FLT3: variants seen among roughly 807,000 people sequenced by gnomAD.
FLT3 encodes the protein fms related receptor tyrosine kinase 3.
Under a neutral mutation model 126.6 loss-of-function variants are expected in FLT3, and 46 were observed. That is an observed-to-expected ratio of 0.36 (90% CI 0.29 to 0.46). The LOEUF (loss-of-function observed/expected upper bound fraction) is 0.46. Among genes scored for constraint, FLT3 ranks in the 20% least tolerant of loss-of-function variants. FLT3 has a pLI of 1.00. For missense variants in FLT3, 1,069 were observed against 1,190.3 expected (o/e 0.90, Z 1.50); for synonymous variants, 404 against 434.4 (o/e 0.93, Z 0.87).
chr13:28,077,027 G>GGA (rs1566100906), intron 1 of FLT3, among the ~76,000 whole-genome samples: 50 of 1,838 alleles, frequency 0.027, no homozygotes, highest in African/African-American at 0.039. Context: ...GGAAGGAAAA[G>GGA]AAAGAGAGAG....
intron 1 of FLT3, among the ~76,000 whole-genome samples, chr13:28,085,103 G>T (rs1878576299): frequency 6.6e-6 from 1 of 152,106 alleles, no homozygotes; most frequent in African/African-American, 2.4e-5. Flanking sequence ...CCTCACTTTG[G>T]GAGGCCGACA....
At chr13:28,025,877 T>TG (rs1256093731) in intron 17 of FLT3, among the ~76,000 whole-genome samples, 2 of 152,182 alleles carry the variant, frequency 1.3e-5, no homozygotes, top group African/African-American at 4.8e-5. Flanking sequence ...TTTAAGACAC[T>TG]GGGTCTGTGT....
intron 12 of FLT3, 42 bp from the exon 13 acceptor site, chr13:28,034,449 T>G: frequency 7.4e-7 from 1 of 1,359,062 alleles, no homozygotes. Context: ...ACAGAATTCC[T>G]GTGTGACATT....
chr13:28,079,412 C>T (rs1878176359), intron 1 of FLT3, among the ~76,000 whole-genome samples: 1 of 152,144 alleles, frequency 6.6e-6, no homozygotes, highest in South Asian at 2.1e-4. Context: ...TCTTCTGAGC[C>T]CTCCAAACTG....
intron 23 of FLT3, among the ~76,000 whole-genome samples, chr13:28,012,503 T>C (rs1871482130): frequency 6.6e-6 from 1 of 152,168 alleles, no homozygotes; most frequent in African/African-American, 2.4e-5. Context: ...CTTTGGACTT[T>C]TATTTATATG....
chr13:28,090,987 T>TA (rs1264921206), intron 1 of FLT3, among the ~76,000 whole-genome samples: 1 of 151,768 alleles, frequency 6.6e-6, no homozygotes, highest in Non-Finnish European at 1.5e-5. Context: ...GGGGTGGGGG[T>TA]AAGTAAAACA....
intron 2 of FLT3, among the ~76,000 whole-genome samples, chr13:28,063,858 T>C (rs1009612534): frequency 6.6e-6 from 1 of 152,124 alleles, no homozygotes; most frequent in East Asian, 1.9e-4. Flanking sequence ...GAAATGTAAA[T>C]TGTAAGTGCC....
intron 15 of FLT3, among the ~76,000 whole-genome samples, chr13:28,029,747 G>A (rs1452723368): frequency 6.6e-6 from 1 of 152,170 alleles, no homozygotes; most frequent in East Asian, 1.9e-4. Flanking sequence ...CCACTATCAG[G>A]TGCTCAAGAG....
chr13:28,049,048 G>C (rs1447685051), intron 8 of FLT3, among the ~76,000 whole-genome samples: 1 of 152,120 alleles, frequency 6.6e-6, no homozygotes, highest in Non-Finnish European at 1.5e-5. Context: ...TGTCCATTTT[G>C]TGTCAGGCTC....
intron 23 of FLT3, among the ~76,000 whole-genome samples, chr13:28,006,064 A>T (rs1191730893): frequency 2.6e-5 from 4 of 152,126 alleles, no homozygotes; most frequent in African/African-American, 9.7e-5. Flanking sequence ...TTCAAGACCA[A>T]ACTAACCAAC....
chr13:28,070,277 T>C (rs1241569916), intron 2 of FLT3, among the ~76,000 whole-genome samples: 2 of 152,184 alleles, frequency 1.3e-5, no homozygotes, highest in Non-Finnish European at 2.9e-5. Flanking sequence ...TCAATCAGTG[T>C]CCTTCCTAAA....
At position 28,067,100 on chromosome 13, in the gene FLT3, G is replaced by A. The variant is rs143795980; in HGVS notation, c.165+3391C>T. ...GTGCAATGCATGATTTCAGCTCACCGCAACCTCCGCCTCTGGGGTTCAAGC... is the reference window on the plus strand; with the variant it reads ...GTGCAATGCATGATTTCAGCTCACCACAACCTCCGCCTCTGGGGTTCAAGC... On this transcript the variant is annotated intron_variant, in intron 2 of 23. Transcript: ENST00000241453. Among the ~76,000 whole-genome samples, 1,126 of 152,246 alleles carry A rather than the reference G, an allele frequency of 7.4e-3. 7 individuals are homozygous for A. Among genetic ancestry groups the A allele is most frequent in the Non-Finnish European group, 0.013 (859 of 68,010 alleles).
intron 9 of FLT3, 54 bp from the exon 10 acceptor site, chr13:28,037,342 G>A: frequency 9.7e-7 from 1 of 1,031,016 alleles, no homozygotes; most frequent in Non-Finnish European, 1.5e-6. Flanking sequence ...AGGAGATGCT[G>A]CAACTAATGA....
intron 1 of FLT3, among the ~76,000 whole-genome samples, chr13:28,079,090 T>C (rs1878152787): frequency 6.6e-6 from 1 of 152,206 alleles, no homozygotes; most frequent in Non-Finnish European, 1.5e-5. Context: ...CAAAACTGAA[T>C]GCCTTTACAA....
chr13:28,051,045 C>T (rs564407706), intron 5 of FLT3, among the ~76,000 whole-genome samples: 2 of 152,262 alleles, frequency 1.3e-5, no homozygotes, highest in African/African-American at 4.8e-5. Context: ...TGTTGTCATC[C>T]GCATTCTTCT....
intron 8 of FLT3, 31 bp downstream of exon 8, chr13:28,049,353 G>T: frequency 6.3e-7 from 1 of 1,596,556 alleles, no homozygotes; most frequent in Non-Finnish European, 8.6e-7. Context: ...CTAAAAATAG[G>T]AATAAAGATT....
chr13:28,034,843 G>A (rs1593241590), intron 12 of FLT3, among the ~76,000 whole-genome samples: 1 of 151,850 alleles, frequency 6.6e-6, no homozygotes. Flanking sequence ...AATCCCAGCT[G>A]CTCGGGAGGC....
Position 28,051,737 on chromosome 13 carries a change from G to A in FLT3, c.614+808C>T, listed in dbSNP as rs529344336. Among the ~76,000 whole-genome samples the A allele has an allele frequency of 1.3e-4, 20 of 151,476 alleles. No homozygotes were observed. The East Asian group carries it at 1.4e-3, about 10-fold the overall frequency. ...TTTTTTTTGTATTTTTAGTAGAGATGGGGTTTCACCATGTTAGCCAGGATG... is the reference window on the plus strand; with the variant it reads ...TTTTTTTTGTATTTTTAGTAGAGATAGGGTTTCACCATGTTAGCCAGGATG... On this transcript the variant is annotated intron_variant, in intron 5 of 23. Transcript: ENST00000241453.
intron 9 of FLT3, among the ~76,000 whole-genome samples, chr13:28,046,538 G>A (rs778688079): frequency 9.9e-5 from 15 of 152,112 alleles, no homozygotes; most frequent in Non-Finnish European, 2.1e-4. Flanking sequence ...CGCTGAATGC[G>A]ATATATCCAA....
Sources: allele counts gnomAD v4.1 joint callset (sites outside exome capture counted in the v4.1 genomes callset), GRCh38; gene constraint gnomAD v4.1.1; transcripts MANE v1.5; gene names NCBI Gene and HGNC (gene_info 2026-07-23, HGNC 2026-07-21).